The following KLHL32 variants were observed in gnomAD, a reference collection of about 807,000 sequenced individuals.
The protein encoded by KLHL32 is kelch-like protein 32.
KLHL32 carries 35 observed loss-of-function variants against 64.8 expected under a neutral mutation model. That is an observed-to-expected ratio of 0.54 (90% CI 0.41 to 0.72). The LOEUF is 0.72. Ranked by LOEUF, KLHL32 falls within the 30% of genes least tolerant of loss-of-function variation. The pLI is 0.00. For synonymous variants in KLHL32, 259 were observed against 281.0 expected (o/e 0.92, Z 0.78); for missense variants, 589 against 768.5 (o/e 0.77, Z 2.76).
Position 96,985,697 on chromosome 6 carries a change from T to A in KLHL32, c.204+9520T>A, listed in dbSNP as rs945628197. On this transcript the variant is annotated intron_variant, in intron 3 of 10. Coordinates refer to ENST00000369261, the MANE Select transcript of KLHL32 (RefSeq NM_052904.4). The stretch of plus-strand genomic sequence containing the variant: ...GAGGCTTGTGCATTTGTCACGTAGT[T>A]CTCGTGCCTTGGTTTTCAGTTCCAT... Among the ~76,000 whole-genome samples, 6 of 152,240 alleles carry A rather than the reference T, an allele frequency of 3.9e-5. 1 individual carries two copies. The highest frequency in any genetic ancestry group is 1.3e-4 in the Admixed American group (2 of 15,290).
chr6:97,057,760 T>A (rs1453613455), intron 4 of KLHL32, among the ~76,000 whole-genome samples: 1 of 152,212 alleles, frequency 6.6e-6, no homozygotes, highest in East Asian at 1.9e-4. Flanking sequence ...GTCCAAGTTG[T>A]CAATTATGTC....
intron 3 of KLHL32, among the ~76,000 whole-genome samples, chr6:96,978,422 G>T (rs184483030): frequency 5.3e-5 from 8 of 152,220 alleles, no homozygotes; most frequent in Admixed American, 2.6e-4. Context: ...ATGTTAGTTA[G>T]CTTAGAATAA....
chr6:96,957,513 T>C (rs1253489812), intron 1 of KLHL32, among the ~76,000 whole-genome samples: 1 of 152,194 alleles, frequency 6.6e-6, no homozygotes, highest in Non-Finnish European at 1.5e-5. Flanking sequence ...AGATGAATAA[T>C]TTATTTTAAT....
Position 97,010,867 on chromosome 6 carries a change from T to G in KLHL32, c.205-30625T>G, listed in dbSNP as rs374052618. On this transcript the variant is annotated intron_variant, in intron 3 of 10. Transcript: ENST00000369261. The stretch of plus-strand genomic sequence containing the variant: ...AACAATCATTAGTTTCACTGAGTAT[T>G]TTGGACAGCATATTAGAAATTTGAA... Among the ~76,000 whole-genome samples the G allele has an allele frequency of 4.1e-4, 62 of 152,350 alleles. No homozygotes were observed. The South Asian group carries it at 0.013, about 31-fold the overall frequency.
chr6:97,125,773 T>C (rs927479186), intron 7 of KLHL32, among the ~76,000 whole-genome samples: 1 of 152,128 alleles, frequency 6.6e-6, no homozygotes, highest in East Asian at 1.9e-4. Flanking sequence ...CGAGACTCTG[T>C]CTCAAAAAAG....
intron 4 of KLHL32, among the ~76,000 whole-genome samples, chr6:97,063,105 G>C (rs1235411272): frequency 6.6e-6 from 1 of 152,176 alleles, no homozygotes; most frequent in African/African-American, 2.4e-5. Flanking sequence ...TTCATTTGTG[G>C]TTTTAAAGAA....
At position 97,105,482 on chromosome 6, in the gene KLHL32, G is replaced by A. The variant is rs1037652809; in HGVS notation, c.628-8301G>A. 23 of 471,000 alleles carry A rather than the reference G, an allele frequency of 4.9e-5. No individual in the cohort carries two copies. In the Admixed American group the frequency reaches 5.4e-4, roughly 11 times the overall value. The allele number at this position is 471,000 out of a possible 1,614,324, so 29.2% of individuals were successfully genotyped here. A position where few individuals can be genotyped will look rare whatever the true frequency, so the allele number is the denominator to read the frequency against. ...TGCTGCCTTTTGTGCACTGAGGGGA[G>A]ACTGGTGCCCTGGCTTACCTCAATG... On this transcript the variant is annotated intron_variant, in intron 6 of 10. Transcript: ENST00000369261.
chr6:96,915,810 G>A, the KLHL32 span, among the ~76,000 whole-genome samples: 1 of 152,240 alleles, frequency 6.6e-6, no homozygotes, highest in South Asian at 2.1e-4. Context: ...TTTGGCATAA[G>A]GATTATTTTG....
At chr6:97,007,893 A>G (rs1367851583) in intron 3 of KLHL32, among the ~76,000 whole-genome samples, 2 of 152,140 alleles carry the variant, frequency 1.3e-5, no homozygotes, top group South Asian at 2.1e-4. Context: ...GCTGTCCACA[A>G]CACCCCGATG....
At chr6:97,058,742 C>T (rs77129837) in intron 4 of KLHL32, among the ~76,000 whole-genome samples, 4,453 of 152,272 alleles carry the variant, frequency 0.029, 233 homozygotes, top group African/African-American at 0.1. Flanking sequence ...TGAATGTAGA[C>T]ATAATGCCTG....
At chr6:96,994,676 C>T (rs1224036279) in intron 3 of KLHL32, 1 of 945,728 alleles carries the variant, frequency 1.1e-6, no homozygotes, top group Non-Finnish European at 1.3e-6. Flanking sequence ...GTGCAAAGTA[C>T]TATGAGTTCC....
chr6:97,071,943 T>C (rs991173791), intron 5 of KLHL32, among the ~76,000 whole-genome samples: 6 of 152,216 alleles, frequency 3.9e-5, no homozygotes, highest in Non-Finnish European at 7.4e-5. Context: ...AAATCCAAGC[T>C]AGCTTTCCAT....
chr6:97,057,383 T>C lies in KLHL32; in HGVS notation c.313-7245T>C, dbSNP rs1253198427. On this transcript the variant is annotated intron_variant, in intron 4 of 10. Coordinates refer to ENST00000369261, the MANE Select transcript of KLHL32 (RefSeq NM_052904.4). ...ATTTTTAGTAGAGACGGGGTTTCAC[T>C]GTGTTAGCCAGGATGGTCTCGATCT... is the stretch of plus-strand genomic sequence containing the variant. 3.9e-4 allele frequency among the ~76,000 whole-genome samples: 40 copies of C among 102,608 alleles called. 3 individuals are homozygous for C. Among genetic ancestry groups the C allele is most frequent in the Non-Finnish European group, 1.5e-4 (8 of 53,958 alleles). The allele number at this position is 102,608 out of a possible 152,430, so 67.3% of individuals were successfully genotyped here.
intron 4 of KLHL32, among the ~76,000 whole-genome samples, chr6:97,050,384 G>T (rs1226357441): frequency 6.6e-6 from 1 of 152,138 alleles, no homozygotes; most frequent in African/African-American, 2.4e-5. Context: ...AGAGAGCAGG[G>T]TGACTCCTAA....
intron 3 of KLHL32, among the ~76,000 whole-genome samples, chr6:96,994,930 C>A (rs1433267791): frequency 3.9e-5 from 6 of 152,186 alleles, no homozygotes; most frequent in Non-Finnish European, 5.9e-5. Context: ...GGGACCTAAT[C>A]TGTCTGTTCT....
intron 6 of KLHL32, among the ~76,000 whole-genome samples, chr6:97,095,032 T>C (rs1305285110): frequency 1.3e-5 from 2 of 152,246 alleles, no homozygotes; most frequent in African/African-American, 4.8e-5. Flanking sequence ...CATTTGCTCT[T>C]AATATAGCTT....
chr6:97,018,577 G>A (rs1781554534), intron 3 of KLHL32, among the ~76,000 whole-genome samples: 2 of 149,486 alleles, frequency 1.3e-5, no homozygotes, highest in African/African-American at 4.9e-5. Context: ...CTCCAGCCTG[G>A]ACGACAGAGC....
intron 3 of KLHL32, among the ~76,000 whole-genome samples, chr6:97,040,564 G>C (rs1047259303): frequency 6.6e-6 from 1 of 152,110 alleles, no homozygotes; most frequent in African/African-American, 2.4e-5. Flanking sequence ...CTGCATTGGG[G>C]CCCTGAGAGT....
intron 1 of KLHL32, among the ~76,000 whole-genome samples, chr6:96,926,105 T>C (rs996643050): frequency 6.6e-6 from 1 of 152,224 alleles, no homozygotes; most frequent in South Asian, 2.1e-4. Context: ...CTTGAAGGCA[T>C]CAGCAATCCA....
Sources: allele counts gnomAD v4.1 joint callset (sites outside exome capture counted in the v4.1 genomes callset), GRCh38; gene constraint gnomAD v4.1.1; transcripts MANE v1.5; gene names NCBI Gene and HGNC (gene_info 2026-07-23, HGNC 2026-07-21).